The following GPR158 variants were observed in gnomAD, a reference collection of about 807,000 sequenced individuals.
GPR158 encodes metabotropic glycine receptor.
In GPR158, 30 loss-of-function variants were observed where a neutral mutation model predicts 78.2. The ratio of observed to expected loss-of-function variants is 0.38; its 90% CI spans 0.29 to 0.52. The LOEUF (loss-of-function observed/expected upper bound fraction) is 0.52. Ranked by LOEUF, GPR158 falls within the 20% of genes least tolerant of loss-of-function variation. GPR158 has a pLI of 0.83. For missense variants in GPR158, 1,463 were observed against 1,523.5 expected, an observed-to-expected ratio of 0.96 and a Z score of 0.66; for synonymous variants, 581 against 591.1, an observed-to-expected ratio of 0.98 and a Z score of 0.25.
In GPR158 at chr10:25,396,023, C is replaced by T. The variant is rs1260029642; in HGVS notation, c.1111+10C>T. ...GTGAACAACTTTCGGAGTAAGTGCC[C>T]TTTGTTTCTATGTATATATATGTAT... On this transcript the variant is annotated intron_variant, in intron 3 of 10. Coordinates refer to ENST00000376351, the MANE Select transcript of GPR158 (RefSeq NM_020752.3). 3 of 1,328,538 alleles carry T rather than the reference C, an allele frequency of 2.3e-6. No individual in the cohort carries two copies. Among genetic ancestry groups the T allele is most frequent in the East Asian group, 2.3e-5 (1 of 43,366 alleles). 82.3% of individuals were successfully genotyped at this position (1,328,538 alleles called of 1,614,324 possible). A position where few individuals can be genotyped will look rare whatever the true frequency, so the allele number is the denominator to read the frequency against.
chr10:25,270,970 G>A (rs1011163449), intron 2 of GPR158, among the ~76,000 whole-genome samples: 2 of 152,110 alleles, frequency 1.3e-5, no homozygotes, highest in African/African-American at 2.4e-5. Context: ...TCCTGCATAC[G>A]CTGGCCTGGC....
intron 2 of GPR158, among the ~76,000 whole-genome samples, chr10:25,265,906 G>A (rs184410285): frequency 2.0e-5 from 3 of 152,244 alleles, no homozygotes; most frequent in Non-Finnish European, 1.5e-5. Flanking sequence ...ATGAAACTCT[G>A]ATGTTACCAC....
At chr10:25,214,276 G>A (rs1215895370) in intron 1 of GPR158, among the ~76,000 whole-genome samples, 1 of 152,068 alleles carries the variant, frequency 6.6e-6, no homozygotes, top group Non-Finnish European at 1.5e-5. Flanking sequence ...TTACAGGCGT[G>A]AGCCACCACG....
intron 2 of GPR158, among the ~76,000 whole-genome samples, chr10:25,288,854 T>C (rs1389145734): frequency 6.6e-6 from 1 of 152,244 alleles, no homozygotes; most frequent in East Asian, 1.9e-4. Context: ...CTTAAATATA[T>C]AGTTCATTCA....
chr10:25,228,882 A>G (rs944335474), intron 2 of GPR158, among the ~76,000 whole-genome samples: 4 of 152,018 alleles, frequency 2.6e-5, no homozygotes, highest in Admixed American at 2.0e-4. Flanking sequence ...AAAAATACAA[A>G]AAATTATTCG....
chr10:25,359,693 A>G (rs1399092767), intron 2 of GPR158, among the ~76,000 whole-genome samples: 1 of 152,154 alleles, frequency 6.6e-6, no homozygotes, highest in African/African-American at 2.4e-5. Context: ...AGTCTTTGCT[A>G]TTGTGAATAG....
chr10:25,259,133 C>G (rs1334978718), intron 2 of GPR158, among the ~76,000 whole-genome samples: 1 of 152,102 alleles, frequency 6.6e-6, no homozygotes, highest in Non-Finnish European at 1.5e-5. Flanking sequence ...TCAAAAGTTG[C>G]AGAGGCAGAG....
chr10:25,393,309 T>C (rs1027457746), intron 2 of GPR158, among the ~76,000 whole-genome samples: 2 of 152,210 alleles, frequency 1.3e-5, no homozygotes, highest in African/African-American at 2.4e-5. Flanking sequence ...TATGTTCTAA[T>C]GAATAGCATT....
chr10:25,363,072 G>C (rs983619187), intron 2 of GPR158, among the ~76,000 whole-genome samples: 2 of 151,654 alleles, frequency 1.3e-5, no homozygotes, highest in African/African-American at 4.8e-5. Flanking sequence ...AGCAGGTTCT[G>C]AAAATTGATA....
At chr10:25,392,021 G>A (rs1013062088) in intron 2 of GPR158, among the ~76,000 whole-genome samples, 10 of 152,076 alleles carry the variant, frequency 6.6e-5, no homozygotes, top group African/African-American at 2.4e-4. Flanking sequence ...TCTCCTGCTT[G>A]CTGCTATGTG....
intron 2 of GPR158, among the ~76,000 whole-genome samples, chr10:25,296,593 A>C (rs1854518710): frequency 6.6e-6 from 1 of 152,040 alleles, no homozygotes; most frequent in Admixed American, 6.5e-5. Flanking sequence ...GTATATTCCT[A>C]GTACCAAAAT....
At chr10:25,292,193 G>A (rs1227328032) in intron 2 of GPR158, among the ~76,000 whole-genome samples, 1 of 151,808 alleles carries the variant, frequency 6.6e-6, no homozygotes, top group African/African-American at 2.4e-5. Context: ...GTGGGGGTGG[G>A]GGGTAGAAGT....
At chr10:25,339,061 C>G (rs1334065829) in intron 2 of GPR158, among the ~76,000 whole-genome samples, 1 of 150,294 alleles carries the variant, frequency 6.7e-6, no homozygotes, top group East Asian at 2.0e-4. Context: ...GCTCTGTTGC[C>G]CAGAAAGCCT....
At chr10:25,206,862 C>T (rs1178933156) in intron 1 of GPR158, among the ~76,000 whole-genome samples, 3 of 113,700 alleles carry the variant, frequency 2.6e-5, no homozygotes, top group African/African-American at 1.0e-4. Context: ...TACTTGTGAG[C>T]TAACAAGCTT....
intron 1 of GPR158, among the ~76,000 whole-genome samples, chr10:25,201,772 A>G (rs1047517724): frequency 3.9e-5 from 6 of 152,052 alleles, no homozygotes; most frequent in South Asian, 2.1e-4. Context: ...ATGGTGAATC[A>G]CATTTATTAA....
chr10:25,201,677 G>A (rs1852931573), intron 1 of GPR158, among the ~76,000 whole-genome samples: 1 of 152,076 alleles, frequency 6.6e-6, no homozygotes. Context: ...TTTGTTGAGG[G>A]TTTTTAACAA....
chr10:25,471,663 G>A (rs1368143399), intron 5 of GPR158, among the ~76,000 whole-genome samples: 4 of 152,276 alleles, frequency 2.6e-5, no homozygotes, highest in African/African-American at 4.8e-5. Flanking sequence ...TCTAACTGGT[G>A]TGAGATGGTA....
At chr10:25,344,250 A>G (rs555725449) in intron 2 of GPR158, among the ~76,000 whole-genome samples, 1 of 152,086 alleles carries the variant, frequency 6.6e-6, no homozygotes, top group South Asian at 2.1e-4. Flanking sequence ...ATATTAACAA[A>G]TTATCTTGAT....
chr10:25,439,894 C>T (rs1835045853), intron 4 of GPR158, among the ~76,000 whole-genome samples: 1 of 152,190 alleles, frequency 6.6e-6, no homozygotes, highest in Non-Finnish European at 1.5e-5. Context: ...TCACGGGTCT[C>T]TAAGGCTACA....
Sources: gnomAD v4.1 joint callset for allele counts (sites outside exome capture counted in the v4.1 genomes callset) on GRCh38, gnomAD v4.1.1 for gene constraint, MANE v1.5 for transcripts, NCBI Gene and HGNC (gene_info 2026-07-23, HGNC 2026-07-21) for gene names.